Variants in PTPRO observed in about 807,000 individuals in gnomAD.
PTPRO encodes the protein protein tyrosine phosphatase receptor type O.
Under a neutral mutation model 145.2 loss-of-function variants are expected in PTPRO, and 62 were observed. The observed-to-expected ratio is 0.43, with a 90% CI of 0.35 to 0.53. The LOEUF (loss-of-function observed/expected upper bound fraction) is 0.53. Among genes scored for constraint, PTPRO ranks in the 20% least tolerant of loss-of-function variants. The probability of loss-of-function intolerance (pLI) is 0.01; values close to 1 mark genes in which losing one functional copy is unlikely to be tolerated. For missense variants in PTPRO, 1,345 were observed against 1,482.7 expected (o/e 0.91, Z 1.53); for synonymous variants, 565 against 514.7 (o/e 1.10, Z -1.32).
intron 12 of PTPRO, among the ~76,000 whole-genome samples, chr12:15,533,316 A>T (rs1942999573): frequency 6.6e-6 from 1 of 152,172 alleles, no homozygotes; most frequent in Admixed American, 6.5e-5. Context: ...ATCAAATGGA[A>T]TATTGTTTCT....
chr12:15,580,843 C>T lies in PTPRO; in HGVS notation c.3132+12C>T. ...ATGAGAAAAGGAGGGTACGTACTTACTGAAACTGCTCCCACTTAGCAGCAA... is the reference window on the plus strand; with the variant it reads ...ATGAGAAAAGGAGGGTACGTACTTATTGAAACTGCTCCCACTTAGCAGCAA... On this transcript the variant is annotated intron_variant, in intron 22 of 26. Coordinates refer to ENST00000281171, the MANE Select transcript of PTPRO (RefSeq NM_030667.3). 5 of 1,613,836 alleles carry T rather than the reference C, an allele frequency of 3.1e-6. No individual in the cohort carries two copies. The highest frequency in any genetic ancestry group is 4.2e-6 in the Non-Finnish European group (5 of 1,179,794).
intron 10 of PTPRO, among the ~76,000 whole-genome samples, chr12:15,521,430 TATA>T (rs1942719336): frequency 6.6e-6 from 1 of 152,218 alleles, no homozygotes; most frequent in African/African-American, 2.4e-5. Flanking sequence ...GTCTTTTGCC[TATA>T]ATGATAATCA....
chr12:15,530,176 A>G (rs113367859), intron 12 of PTPRO, among the ~76,000 whole-genome samples: 312 of 152,354 alleles, frequency 2.0e-3, no homozygotes, highest in African/African-American at 7.3e-3. Context: ...GCAAGAGGAT[A>G]TAACAATTAT....
chr12:15,348,703 C>CGCAGGA (rs1937680713), intron 1 of PTPRO: 2 of 151,964 alleles, frequency 1.3e-5, no homozygotes, highest in South Asian at 4.1e-4. Context: ...AGGAGAATGA[C>CGCAGGA]GTGAACCCCG....
At chr12:15,379,138 A>G (rs1253157104) in intron 1 of PTPRO, among the ~76,000 whole-genome samples, 1 of 152,136 alleles carries the variant, frequency 6.6e-6, no homozygotes, top group Non-Finnish European at 1.5e-5. Context: ...TCTATTCAAA[A>G]GAAATAAAAT....
intron 1 of PTPRO, among the ~76,000 whole-genome samples, chr12:15,364,416 GAAAT>G (rs1188092282): frequency 1.3e-5 from 2 of 152,114 alleles, no homozygotes. Context: ...GGGTTTTCTG[GAAAT>G]ATTTACTGTA....
chr12:15,514,059 T>C (rs1232676312), intron 7 of PTPRO, among the ~76,000 whole-genome samples: 1 of 152,224 alleles, frequency 6.6e-6, no homozygotes, highest in Non-Finnish European at 1.5e-5. Context: ...TCAATTCTTG[T>C]GTGTGCCAAC....
intron 1 of PTPRO, among the ~76,000 whole-genome samples, chr12:15,480,291 C>A (rs1941751204): frequency 6.6e-6 from 1 of 152,058 alleles, no homozygotes; most frequent in South Asian, 2.1e-4. Flanking sequence ...GTCACATTTT[C>A]TTGGATATTT....
Position 15,501,807 on chromosome 12 carries a change from G to C in PTPRO, c.849G>C (p.Trp283Cys). ...EIPSGNISSGWPDFNSSDYET... is the reference protein window; with the variant it reads ...EIPSGNISSGCPDFNSSDYET... ...CCTCGGGCAACATTTCTTCCGGTTG[G>C]CCTGATTTTAATAGCAGTGACTATG... Residue 283 changes from tryptophan to cysteine, a missense_variant, in exon 5 of 27, where the codon TGG becomes TGC. Transcript: ENST00000281171. 1.9e-6 allele frequency: 3 copies of C among 1,614,050 alleles called. No homozygotes were observed. The highest frequency in any genetic ancestry group is 2.5e-6 in the Non-Finnish European group (3 of 1,179,998).
intron 1 of PTPRO, among the ~76,000 whole-genome samples, chr12:15,373,189 A>G (rs1938583102): frequency 1.3e-5 from 2 of 152,220 alleles, no homozygotes; most frequent in Admixed American, 1.3e-4. Context: ...GGCTTTACAG[A>G]AACAAACATA....
intron 1 of PTPRO, among the ~76,000 whole-genome samples, chr12:15,363,372 A>T (rs1349774350): frequency 1.3e-5 from 2 of 152,180 alleles, no homozygotes; most frequent in Non-Finnish European, 2.9e-5. Context: ...GCTGGGCTAC[A>T]AATTAAACAT....
intron 11 of PTPRO, among the ~76,000 whole-genome samples, chr12:15,525,570 T>C (rs1565684841): frequency 1.3e-5 from 2 of 152,158 alleles, no homozygotes; most frequent in Non-Finnish European, 2.9e-5. Flanking sequence ...TTTATCACCA[T>C]TACATGCATG....
chr12:15,582,444 A>G (rs1374457036), intron 23 of PTPRO, among the ~76,000 whole-genome samples: 1 of 152,186 alleles, frequency 6.6e-6, no homozygotes, highest in Non-Finnish European at 1.5e-5. Flanking sequence ...TCTCAGTGTC[A>G]TTGTTTCCCA....
intron 1 of PTPRO, among the ~76,000 whole-genome samples, chr12:15,358,505 G>A (rs575553690): frequency 6.6e-6 from 1 of 152,058 alleles, no homozygotes; most frequent in Admixed American, 6.5e-5. Flanking sequence ...TGCATTTCAG[G>A]CAGACCTTCA....
chr12:15,349,498 A>G (rs559806200), intron 1 of PTPRO, among the ~76,000 whole-genome samples: 238 of 152,366 alleles, frequency 1.6e-3, no homozygotes, highest in African/African-American at 5.5e-3. Flanking sequence ...AGAAAGGATG[A>G]GGTCTCTGTT....
At chr12:15,524,468 C>T (rs557981956) in intron 10 of PTPRO, among the ~76,000 whole-genome samples, 90 of 152,266 alleles carry the variant, frequency 5.9e-4, no homozygotes, top group African/African-American at 2.0e-3. Context: ...CCACTGATAC[C>T]TATTAATATT....
chr12:15,533,826 G>A (rs1292606351), intron 12 of PTPRO, among the ~76,000 whole-genome samples: 3 of 152,146 alleles, frequency 2.0e-5, no homozygotes, highest in East Asian at 1.9e-4. Context: ...AGCTGGGGCC[G>A]TAACTGGTTG....
intron 1 of PTPRO, among the ~76,000 whole-genome samples, chr12:15,468,438 C>T (rs929985276): frequency 6.6e-6 from 1 of 152,178 alleles, no homozygotes; most frequent in Admixed American, 6.5e-5. Context: ...TTTGGTTTCT[C>T]ATCCACATTG....
intron 12 of PTPRO, among the ~76,000 whole-genome samples, chr12:15,532,311 C>T (rs1942978817): frequency 1.3e-5 from 2 of 152,118 alleles, no homozygotes; most frequent in Non-Finnish European, 2.9e-5. Flanking sequence ...TGACAACTTT[C>T]TTCTAAATTA....
Sources: allele counts gnomAD v4.1 joint callset (sites outside exome capture counted in the v4.1 genomes callset), GRCh38; gene constraint gnomAD v4.1.1; transcripts MANE v1.5; gene names NCBI Gene and HGNC (gene_info 2026-07-23, HGNC 2026-07-21).